Variants in MEGF8 observed in about 807,000 individuals in gnomAD.
The protein encoded by MEGF8 is multiple EGF like domains 8, also known as multiple epidermal growth factor-like domains protein 8.
A neutral mutation model predicts 302.9 loss-of-function variants in MEGF8; 156 were observed. The ratio of observed to expected loss-of-function variants is 0.52; its 90% CI spans 0.45 to 0.59. MEGF8 has a LOEUF of 0.59. MEGF8 is among the 20% of genes least tolerant of loss of function. The pLI is 0.00. For missense variants in MEGF8, 3,345 were observed against 3,964.5 expected (o/e 0.84, Z 4.20); for synonymous variants, 1,621 against 1,660.5 (o/e 0.98, Z 0.58).
chr19:42,336,890 A>C lies in MEGF8; in HGVS notation c.1328A>C (p.Gln443Pro), dbSNP rs544659951. ...WTTLKGRDGL[Q>P]GPRERAFHTA... ...ACGCTGAAGGGGCGGGATGGGCTTC[A>C]GGGCCCAAGGGAGCGAGCCTTCCAC... Residue 443 changes from glutamine to proline, a missense_variant, in exon 7 of 42, where the codon CAG (glutamine) becomes CCG (proline). Physicochemically the swap from Gln to Pro is moderately conservative, Grantham distance 76 (BLOSUM62 -1). Transcript: ENST00000251268. The surrounding 1 kb of genome is among the most constrained non-coding windows in gnomAD (Gnocchi z 4.8). 4.5e-5 allele frequency: 73 copies of C among 1,613,358 alleles called. No individual in the cohort carries two copies. The African/African-American group carries it at 8.5e-4, about 19-fold the overall frequency.
intron 35 of MEGF8, among the ~76,000 whole-genome samples, chr19:42,365,892 A>C (rs1339873562): frequency 6.6e-6 from 1 of 151,452 alleles, no homozygotes; most frequent in Non-Finnish European, 1.5e-5. Flanking sequence ...GACCAGCTTG[A>C]CCAATATGGT....
At chr19:42,366,984 A>G (rs534285369) in intron 35 of MEGF8, among the ~76,000 whole-genome samples, 2 of 152,272 alleles carry the variant, frequency 1.3e-5, no homozygotes, top group East Asian at 3.9e-4. Flanking sequence ...AGGGTTTTCT[A>G]TTTCAGGATT....
chr19:42,361,078 A>T, intron 32 of MEGF8, 72 bp downstream of exon 32: 2 of 1,431,822 alleles, frequency 1.4e-6, no homozygotes. Flanking sequence ...AGGCCACACC[A>T]GGATGGAGGC....
At chr19:42,362,055 A>T in intron 32 of MEGF8, 35 bp from the exon 33 acceptor site, 1 of 1,607,346 alleles carries the variant, frequency 6.2e-7, no homozygotes, top group Non-Finnish European at 8.5e-7. Context: ...GGGGGTCTGG[A>T]TGGGTGTGAG....
chr19:42,370,509 T>G (rs1265448153), intron 39 of MEGF8, 150 bp downstream of exon 39: 7 of 805,180 alleles, frequency 8.7e-6, no homozygotes, highest in African/African-American at 2.3e-5. Flanking sequence ...AGAGTAGAGG[T>G]GGGGGTCTTG....
Position 42,371,114 on chromosome 19 carries a change from C to T in MEGF8, c.7137-236C>T, listed in dbSNP as rs913920345. Among the ~76,000 whole-genome samples the T allele has an allele frequency of 2.6e-5, 4 of 151,992 alleles. 1 individual carries two copies. Among genetic ancestry groups the T allele is most frequent in the Admixed American group, 2.0e-4 (3 of 15,244 alleles). On this transcript the variant is annotated intron_variant, in intron 40 of 41. Transcript: ENST00000251268. ...GCTGAGGGCAGAGGCCTTGGAACAA[C>T]CTCCCCTTTCCATCTCCTTCTTTCT... is the stretch of plus-strand genomic sequence containing the variant.
intron 39 of MEGF8, 86 bp from the exon 40 acceptor site, chr19:42,370,615 G>C (rs1204664879): frequency 5.8e-5 from 85 of 1,468,710 alleles, no homozygotes; most frequent in Non-Finnish European, 7.7e-5. Context: ...TGAGGGAGGA[G>C]TGGGTAGGAG....
chr19:42,334,342 C>G, intron 3 of MEGF8, 129 bp downstream of exon 3: 1 of 862,224 alleles, frequency 1.2e-6, no homozygotes, highest in Non-Finnish European at 1.7e-6. Flanking sequence ...CTCCGTGACA[C>G]CCACTTCCCT....
chr19:42,335,461 CT>C (rs1291488630), intron 5 of MEGF8, 76 bp downstream of exon 5: 13 of 1,345,474 alleles, frequency 9.7e-6, no homozygotes, highest in Non-Finnish European at 1.4e-5. Flanking sequence ...GAATGATCCC[CT>C]ATCACCTAGT....
chr19:42,359,707 C>T (rs2039504030), intron 31 of MEGF8, among the ~76,000 whole-genome samples: 1 of 152,094 alleles, frequency 6.6e-6, no homozygotes, highest in South Asian at 2.1e-4. Context: ...TTATTAGCAA[C>T]AGGGTCTCAC....
At chr19:42,347,067 A>C (rs989537114) in intron 12 of MEGF8, among the ~76,000 whole-genome samples, 1 of 151,554 alleles carries the variant, frequency 6.6e-6, no homozygotes, top group Non-Finnish European at 1.5e-5. Context: ...CCCACTCCCT[A>C]CCCCTTAAGT....
chr19:42,338,910 C>T (rs2147455788), intron 8 of MEGF8, among the ~76,000 whole-genome samples: 1 of 138,444 alleles, frequency 7.2e-6, no homozygotes, highest in Middle Eastern at 4.1e-3. Context: ...TCTCGGCTCA[C>T]TGCAACCTCC....
In MEGF8 at chr19:42,352,544, C is replaced by T. The variant is rs1416354081; in HGVS notation, c.3350+88C>T. 1 of 1,458,980 alleles carries T rather than the reference C, an allele frequency of 6.9e-7. No homozygotes were observed. The highest frequency in any genetic ancestry group is 1.4e-5 in the African/African-American group (1 of 70,754). 90.4% of individuals were successfully genotyped at this position (1,458,980 alleles called of 1,614,324 possible). ...GAGGAAGCCATCATGGCGCTGGGTC[C>T]CCTCCTGTGGAACCAGCATCCCCAG... On this transcript the variant is annotated intron_variant, in intron 19 of 41. Coordinates refer to ENST00000251268, the MANE Select transcript of MEGF8 (RefSeq NM_001271938.2). The surrounding 1 kb of genome is among the most constrained non-coding windows in gnomAD (Gnocchi z 4.4).
Position 42,352,859 on chromosome 19 carries a change from A to T in MEGF8, c.3351-69A>T. The stretch of plus-strand genomic sequence containing the variant: ...GCTTTGATGGTGTCATGGTGGGTGG[A>T]GATGATGGGGTGCTTTAGGGGCTCT... On this transcript the variant is annotated intron_variant, in intron 19 of 41. Transcript: ENST00000251268. This position sits in a 1 kb window ranked among gnomAD's most constrained non-coding sequence, Gnocchi z 4.4. The T allele has an allele frequency of 8.7e-7, 1 of 1,151,732 alleles. No homozygotes were observed. The highest frequency in any genetic ancestry group is 1.3e-6 in the Non-Finnish European group (1 of 794,446). 71.3% of individuals were successfully genotyped at this position (1,151,732 alleles called of 1,614,324 possible).
At position 42,356,673 on chromosome 19, in the gene MEGF8, A is replaced by G; in HGVS notation, c.4623-101A>G. On this transcript the variant is annotated intron_variant, in intron 26 of 41. Coordinates refer to ENST00000251268, the MANE Select transcript of MEGF8 (RefSeq NM_001271938.2). This position sits in a 1 kb window ranked among gnomAD's most constrained non-coding sequence, Gnocchi z 5.2. ...GGAATGGCAAGAGGACTGTCATAGGAAGGTCACCCCAGGGGATGCGGGGAC... is the reference window on the plus strand; with the variant it reads ...GGAATGGCAAGAGGACTGTCATAGGGAGGTCACCCCAGGGGATGCGGGGAC... 8.0e-7 allele frequency: 1 copy of G among 1,252,070 alleles called. No homozygotes were observed. The highest frequency in any genetic ancestry group is 1.1e-6 in the Non-Finnish European group (1 of 909,050). 77.6% of individuals were successfully genotyped at this position (1,252,070 alleles called of 1,614,324 possible).
At position 42,325,968 on chromosome 19, in the gene MEGF8, A is replaced by G; in HGVS notation, c.-276A>G. On this transcript the variant is annotated 5_prime_UTR_variant, in exon 1 of 42. In the 5' UTR this introduces an upstream ATG that the reference lacks. Coordinates refer to ENST00000251268, the MANE Select transcript of MEGF8 (RefSeq NM_001271938.2). ...GCCCCCTATGGAGCCCTGTGTCTAT[A>G]GGGGACTCCTACGGTCCCTAGGGTT... is the stretch of plus-strand genomic sequence containing the variant. 1 of 399,274 alleles carries G rather than the reference A, an allele frequency of 2.5e-6. No individual in the cohort carries two copies. Among genetic ancestry groups the G allele is most frequent in the African/African-American group, 2.1e-5 (1 of 48,300 alleles). The allele number at this position is 399,274 out of a possible 1,614,324, so 24.7% of individuals were successfully genotyped here.
At position 42,352,450 on chromosome 19, in the gene MEGF8, A is replaced by G. The variant is rs767539999; in HGVS notation, c.3344A>G (p.Asn1115Ser). 1.3e-6 allele frequency: 2 copies of G among 1,592,438 alleles called. No individual in the cohort carries two copies. Among genetic ancestry groups the G allele is most frequent in the African/African-American group, 2.7e-5 (2 of 74,648 alleles). ...CAGGGTGATGGCATCTCACACTGCA[A>G]CCGCACGTGAGTGAGGCGGGGGTTG... is the stretch of plus-strand genomic sequence containing the variant. ...GYQGDGISHC[N>S]RTCLEDCGHG... The change falls in exon 19 of 42, where the codon AAC (asparagine) becomes AGC (serine). Residue 1115 changes from asparagine to serine, a missense_variant. Physicochemically the swap from Asn to Ser is conservative, Grantham distance 46 (BLOSUM62 1). Coordinates refer to ENST00000251268, the MANE Select transcript of MEGF8 (RefSeq NM_001271938.2). This position sits in a 1 kb window ranked among gnomAD's most constrained non-coding sequence, Gnocchi z 4.4.
Position 42,368,482 on chromosome 19 carries a change from C to T in MEGF8, c.6301C>T (p.Arg2101Ter). 2 of 1,609,564 alleles carry T rather than the reference C, an allele frequency of 1.2e-6. No individual in the cohort carries two copies. Among genetic ancestry groups the T allele is most frequent in the Non-Finnish European group, 1.7e-6 (2 of 1,178,582 alleles). Reference sequence around the variant, plus strand: ...TCTGAGCCCTTCCTACCTGCCCCTGCGATGTATGGCCGGAGGCTGTGGGCG... The same window carrying T: ...TCTGAGCCCTTCCTACCTGCCCCTGTGATGTATGGCCGGAGGCTGTGGGCG... ...QCLSPSYLPL[R>*]CMAGGCGRLL... Residue 2101 changes from arginine to a stop codon, truncating the protein, a stop_gained, in exon 36 of 42, where the codon CGA becomes TGA. Coordinates refer to ENST00000251268, the MANE Select transcript of MEGF8 (RefSeq NM_001271938.2). LOFTEE classifies it high-confidence loss of function. The surrounding 1 kb of genome is among the most constrained non-coding windows in gnomAD (Gnocchi z 4.9).
chr19:42,329,719 G>T (rs1173093355), intron 1 of MEGF8, among the ~76,000 whole-genome samples: 3 of 151,976 alleles, frequency 2.0e-5, no homozygotes, highest in African/African-American at 7.3e-5. Flanking sequence ...CAAAAGATTA[G>T]CTGGGCTTGG....
Sources: gnomAD v4.1 joint callset for allele counts (sites outside exome capture counted in the v4.1 genomes callset) on GRCh38, gnomAD v4.1.1 for gene constraint, Gnocchi (gnomAD v3.1) non-coding constraint, MANE v1.5 for transcripts, NCBI Gene and HGNC (gene_info 2026-07-23, HGNC 2026-07-21) for gene names.